SSBP3: variants seen among roughly 807,000 people sequenced by gnomAD.
SSBP3 encodes the protein single stranded DNA binding protein 3.
SSBP3 carries 5 observed loss-of-function variants against 69.6 expected under a neutral mutation model. That is an observed-to-expected ratio of 0.07 (90% confidence interval 0.04 to 0.15). The LOEUF is 0.15. Among genes scored for constraint, SSBP3 ranks in the 10% least tolerant of loss-of-function variants. The probability of loss-of-function intolerance (pLI) is 1.00; values close to 1 mark genes in which losing one functional copy is unlikely to be tolerated. For synonymous variants in SSBP3, 196 were observed against 193.4 expected, an observed-to-expected ratio of 1.01 and a Z score of -0.11; for missense variants, 312 against 534.0, an observed-to-expected ratio of 0.58 and a Z score of 4.10.
At chr1:54,371,285 G>C (rs905280387) in intron 4 of SSBP3, among the ~76,000 whole-genome samples, 2 of 152,244 alleles carry the variant, frequency 1.3e-5, no homozygotes, top group Admixed American at 6.5e-5. Context: ...CAGCACCGAG[G>C]AACACTCCAT....
intron 13 of SSBP3, among the ~76,000 whole-genome samples, chr1:54,240,431 C>T (rs1189580428): frequency 7.9e-6 from 1 of 127,180 alleles, no homozygotes; most frequent in Admixed American, 1.0e-4. Flanking sequence ...GCACTCCAGC[C>T]TGGGTGACAG....
chr1:54,382,855 C>T (rs1385377288), intron 4 of SSBP3, among the ~76,000 whole-genome samples: 1 of 151,734 alleles, frequency 6.6e-6, no homozygotes, highest in Non-Finnish European at 1.5e-5. Context: ...CATGGTGGCG[C>T]CTGCCTGCAA....
intron 4 of SSBP3, among the ~76,000 whole-genome samples, chr1:54,282,896 C>A (rs768230963): frequency 1.3e-5 from 2 of 152,342 alleles, no homozygotes; most frequent in Middle Eastern, 3.4e-3. Context: ...AAACAGAACG[C>A]CTTTTTTCCT....
chr1:54,340,983 T>C (rs1283998661), intron 4 of SSBP3, among the ~76,000 whole-genome samples: 1 of 152,230 alleles, frequency 6.6e-6, no homozygotes, highest in Non-Finnish European at 1.5e-5. Flanking sequence ...CCACCTCTGC[T>C]GTGTTTTGAG....
At chr1:54,293,096 G>A (rs1188668906) in intron 4 of SSBP3, among the ~76,000 whole-genome samples, 1 of 152,134 alleles carries the variant, frequency 6.6e-6, no homozygotes, top group East Asian at 1.9e-4. Context: ...TCTGTGGCCT[G>A]CTAAAGTCTG....
chr1:54,369,376 G>T (rs898099411), intron 4 of SSBP3, among the ~76,000 whole-genome samples: 1 of 152,094 alleles, frequency 6.6e-6, no homozygotes, highest in Non-Finnish European at 1.5e-5. Flanking sequence ...GACCATTGCT[G>T]GGGGAGATGA....
intron 7 of SSBP3, among the ~76,000 whole-genome samples, chr1:54,256,659 C>T (rs1427407594): frequency 6.6e-6 from 1 of 152,178 alleles, no homozygotes; most frequent in East Asian, 1.9e-4. Flanking sequence ...GGCTCCTGAT[C>T]TAAGCATTCC....
chr1:54,276,385 C>T (rs1489473104), intron 5 of SSBP3, among the ~76,000 whole-genome samples: 3 of 151,762 alleles, frequency 2.0e-5, no homozygotes, highest in South Asian at 2.1e-4. Context: ...CTGAGGTGGG[C>T]GGATCACTTG....
At chr1:54,396,871 C>T (rs1041588315) in intron 4 of SSBP3, among the ~76,000 whole-genome samples, 4 of 152,174 alleles carry the variant, frequency 2.6e-5, no homozygotes, top group African/African-American at 9.7e-5. Flanking sequence ...CTTGCCGCCA[C>T]TTGAAACCCA....
intron 13 of SSBP3, among the ~76,000 whole-genome samples, chr1:54,239,978 C>T (rs570665215): frequency 5.9e-5 from 9 of 151,398 alleles, no homozygotes; most frequent in South Asian, 4.2e-4. Flanking sequence ...GGGTAAGGAT[C>T]GTATGTTGAA....
intron 4 of SSBP3, among the ~76,000 whole-genome samples, chr1:54,325,722 C>T (rs867635280): frequency 1.3e-5 from 2 of 152,150 alleles, no homozygotes; most frequent in African/African-American, 4.8e-5. Flanking sequence ...GTAAGTAGAA[C>T]TTAATCAAAC....
chr1:54,350,885 G>T (rs11206336), intron 4 of SSBP3, among the ~76,000 whole-genome samples: 37,450 of 151,972 alleles, frequency 0.25, 4,861 homozygotes, highest in Non-Finnish European at 0.29. Context: ...ACCAATGCTG[G>T]AGTGCAGTGG....
At chr1:54,394,350 C>T (rs1648705976) in intron 4 of SSBP3, among the ~76,000 whole-genome samples, 1 of 152,160 alleles carries the variant, frequency 6.6e-6, no homozygotes, top group Non-Finnish European at 1.5e-5. Flanking sequence ...TTCGTTACAA[C>T]ACAGGGGTGG....
At chr1:54,345,996 A>AC (rs1646683521) in intron 4 of SSBP3, among the ~76,000 whole-genome samples, 1 of 151,552 alleles carries the variant, frequency 6.6e-6, no homozygotes, top group Admixed American at 6.6e-5. Context: ...CAAAAAAAAA[A>AC]AAACAAAACA....
chr1:54,328,539 CT>C (rs1391492529), intron 4 of SSBP3, among the ~76,000 whole-genome samples: 4 of 152,212 alleles, frequency 2.6e-5, no homozygotes. Context: ...ATCCCAGCAG[CT>C]CTCGCTCAGG....
chr1:54,234,460 T>C (rs1236376465), intron 14 of SSBP3, among the ~76,000 whole-genome samples: 1 of 152,104 alleles, frequency 6.6e-6, no homozygotes, highest in African/African-American at 2.4e-5. Flanking sequence ...TGGTGGCACG[T>C]GCCTGTAGTC....
At chr1:54,243,209 C>T in intron 10 of SSBP3, 26 bp downstream of exon 10, 2 of 1,612,294 alleles carry the variant, frequency 1.2e-6, no homozygotes, top group South Asian at 2.2e-5. Context: ...GACTCTGAGC[C>T]ACGGGCCGGG....
chr1:54,317,790 A>C (rs2100346282), intron 4 of SSBP3, among the ~76,000 whole-genome samples: 1 of 151,902 alleles, frequency 6.6e-6, no homozygotes, highest in East Asian at 1.9e-4. Flanking sequence ...TTTAAGATGA[A>C]ATCTTGTTCT....
intron 5 of SSBP3, among the ~76,000 whole-genome samples, chr1:54,263,503 G>C (rs1050683152): frequency 6.6e-6 from 1 of 152,210 alleles, no homozygotes. Flanking sequence ...AGCTGGCAGT[G>C]TGAGGCACAC....
Sources: gnomAD v4.1 joint callset for allele counts (sites outside exome capture counted in the v4.1 genomes callset) on GRCh38, gnomAD v4.1.1 for gene constraint, MANE v1.5 for transcripts, NCBI Gene and HGNC (gene_info 2026-07-23, HGNC 2026-07-21) for gene names.